Variants in ADD2 observed in about 807,000 individuals in gnomAD.
ADD2 encodes the protein adducin 2.
In ADD2, 23 loss-of-function variants were observed where a neutral mutation model predicts 83.0. That is an observed-to-expected ratio of 0.28 (90% CI 0.20 to 0.39). ADD2 has a LOEUF of 0.39. ADD2 is among the 10% of genes least tolerant of loss of function. The probability of loss-of-function intolerance (pLI) is 1.00; values close to 1 mark genes in which losing one functional copy is unlikely to be tolerated. For synonymous variants in ADD2, 375 were observed against 375.4 expected (o/e 1.00, Z 0.01); for missense variants, 758 against 944.9 (o/e 0.80, Z 2.59).
chr2:70,719,551 G>A (rs367840300), intron 1 of ADD2, among the ~76,000 whole-genome samples: 1 of 152,282 alleles, frequency 6.6e-6, no homozygotes, highest in African/African-American at 2.4e-5. Context: ...GGGTTGTTGG[G>A]GAAGCCCTGG....
intron 15 of ADD2, among the ~76,000 whole-genome samples, chr2:70,668,436 CT>C (rs1487109481): frequency 6.6e-6 from 1 of 152,230 alleles, no homozygotes; most frequent in African/African-American, 2.4e-5. Context: ...GCTCGCCTTC[CT>C]GTAAACCCAC....
intron 1 of ADD2, among the ~76,000 whole-genome samples, chr2:70,762,659 G>A (rs1553385227): frequency 6.7e-6 from 1 of 149,046 alleles, no homozygotes; most frequent in African/African-American, 2.5e-5. Context: ...GATTTAAAGG[G>A]CATGCTAAAG....
intron 1 of ADD2, among the ~76,000 whole-genome samples, chr2:70,715,252 C>A (rs1362108751): frequency 6.6e-6 from 1 of 152,112 alleles, no homozygotes; most frequent in Non-Finnish European, 1.5e-5. Context: ...GGCCCCAGCA[C>A]CTAGAGCAGG....
At chr2:70,712,825 G>T (rs1291855032) in intron 2 of ADD2, among the ~76,000 whole-genome samples, 3 of 152,202 alleles carry the variant, frequency 2.0e-5, no homozygotes, top group Non-Finnish European at 2.9e-5. Flanking sequence ...GTGAGCACAG[G>T]ATGCTGTAAA....
intron 4 of ADD2, among the ~76,000 whole-genome samples, chr2:70,703,598 G>A (rs1671726013): frequency 1.3e-5 from 2 of 152,154 alleles, no homozygotes; most frequent in Admixed American, 6.5e-5. Flanking sequence ...TTACAAGGAT[G>A]TTTATTGCAT....
At chr2:70,767,547 C>T (rs1574342320) in intron 1 of ADD2, 1 of 914,812 alleles carries the variant, frequency 1.1e-6, no homozygotes, top group Non-Finnish European at 1.4e-6. Context: ...CGGCCCCGCC[C>T]GGCTAGGCGA....
intron 1 of ADD2, among the ~76,000 whole-genome samples, chr2:70,752,736 G>A (rs1223139864): frequency 6.6e-6 from 1 of 152,224 alleles, no homozygotes; most frequent in African/African-American, 2.4e-5. Flanking sequence ...TGAGACGCCT[G>A]TAAGACATGC....
rs1675423126 is a variant in ADD2, at chr2:70,658,111, G to A, written c.*5314C>T. ...TTCTGTATACATAAGAACACTCCCAGCTGGAGATTCTTCCTAATTGTTCCT... is the reference window on the plus strand; with the variant it reads ...TTCTGTATACATAAGAACACTCCCAACTGGAGATTCTTCCTAATTGTTCCT... On this transcript the variant is annotated 3_prime_UTR_variant, in exon 16 of 16. Coordinates refer to ENST00000264436, the MANE Select transcript of ADD2 (RefSeq NM_001617.4). 1 of 152,154 alleles carries A rather than the reference G, an allele frequency of 6.6e-6. No individual in the cohort carries two copies. Among genetic ancestry groups the A allele is most frequent in the South Asian group, 2.1e-4 (1 of 4,824 alleles). The allele number at this position is 152,154 out of a possible 1,614,324, so 9.4% of individuals were successfully genotyped here.
At chr2:70,704,263 T>TTCCCCCCCCCCCCCCCCCCCCCCC in intron 4 of ADD2, 58 bp downstream of exon 4, 1 of 913,238 alleles carries the variant, frequency 1.1e-6, no homozygotes, top group Non-Finnish European at 1.7e-6. Flanking sequence ...CTCCCTCTCT[T>TTCCCCCCCCCCCCCCCCCCCCCCC]CCCCACCCCA....
At chr2:70,752,139 G>T (rs1351821688) in intron 1 of ADD2, among the ~76,000 whole-genome samples, 3 of 152,130 alleles carry the variant, frequency 2.0e-5, no homozygotes, top group African/African-American at 7.2e-5. Flanking sequence ...AATGTCATTG[G>T]TGCCTAACAA....
intron 9 of ADD2, 22 bp from the exon 10 acceptor site, chr2:70,683,789 C>A: frequency 6.3e-7 from 1 of 1,599,034 alleles, no homozygotes; most frequent in Non-Finnish European, 8.6e-7. Context: ...AGCAGAGAGC[C>A]CTCAGCCCAT....
chr2:70,672,737 TA>T, intron 15 of ADD2, 140 bp downstream of exon 15: 1 of 936,696 alleles, frequency 1.1e-6, no homozygotes. Flanking sequence ...TGAAACTTGA[TA>T]ACCCCTATTT....
At chr2:70,672,806 G>A (rs1358670848) in intron 15 of ADD2, 72 bp downstream of exon 15, 3 of 1,507,780 alleles carry the variant, frequency 2.0e-6, no homozygotes, top group Non-Finnish European at 1.8e-6. Context: ...AACACGAGTG[G>A]AAGGCAGGGC....
chr2:70,742,126 A>G (rs1390533785), intron 1 of ADD2, among the ~76,000 whole-genome samples: 1 of 152,268 alleles, frequency 6.6e-6, no homozygotes, highest in Non-Finnish European at 1.5e-5. Flanking sequence ...ATTCAAATAC[A>G]TCTGAGACTA....
chr2:70,730,407 C>T (rs1553379055), intron 1 of ADD2, among the ~76,000 whole-genome samples: 1 of 152,238 alleles, frequency 6.6e-6, no homozygotes, highest in Non-Finnish European at 1.5e-5. Flanking sequence ...AAACACTGAC[C>T]TAACAAGAAG....
chr2:70,713,757 A>C (rs1162858539), intron 1 of ADD2, among the ~76,000 whole-genome samples: 3 of 152,144 alleles, frequency 2.0e-5, no homozygotes, highest in Non-Finnish European at 4.4e-5. Context: ...TGGAGGGCGC[A>C]GAATGTGGAA....
At position 70,678,695 on chromosome 2, in the gene ADD2, C is replaced by T. The variant is rs782682711; in HGVS notation, c.1383+9G>A. On this transcript the variant is annotated intron_variant, in intron 11 of 15. Transcript: ENST00000264436. ...TCTCTGCCCGGGTCTGTCCTGGGCT[C>T]CCCCTTACCGTGGTCTTGGGTCGGG... 6 of 1,545,312 alleles carry T rather than the reference C, an allele frequency of 3.9e-6. No individual in the cohort carries two copies. The highest frequency in any genetic ancestry group is 1.7e-4 in the Middle Eastern group (1 of 5,724).
rs782345958 is a variant in ADD2 at position 70,683,783 on chromosome 2, G to C, written c.949-16C>G. Reference sequence around the variant, plus strand: ...GAGCCGACACCTGTAGCAAAGAGCAGAGAGCCCTCAGCCCATGTGCACATG... The same window carrying C: ...GAGCCGACACCTGTAGCAAAGAGCACAGAGCCCTCAGCCCATGTGCACATG... On this transcript the variant is annotated splice_polypyrimidine_tract_variant and intron_variant, in intron 9 of 15. Coordinates refer to ENST00000264436, the MANE Select transcript of ADD2 (RefSeq NM_001617.4). 6.2e-6 allele frequency: 10 copies of C among 1,602,850 alleles called. No homozygotes were observed. The East Asian group carries it at 2.0e-4, about 32-fold the overall frequency.
intron 15 of ADD2, among the ~76,000 whole-genome samples, chr2:70,666,329 C>T (rs991550838): frequency 6.6e-6 from 1 of 152,182 alleles, no homozygotes; most frequent in East Asian, 1.9e-4. Flanking sequence ...CTTATCTATC[C>T]CAGCCTGAGC....
Sources: allele counts gnomAD v4.1 joint callset (sites outside exome capture counted in the v4.1 genomes callset), GRCh38; gene constraint gnomAD v4.1.1; transcripts MANE v1.5; gene names NCBI Gene and HGNC (gene_info 2026-07-23, HGNC 2026-07-21).